WDR33: variants seen among roughly 807,000 people sequenced by gnomAD.
WDR33 encodes WD repeat domain 33, also known as pre-mRNA 3' end processing protein WDR33.
A neutral mutation model predicts 164.9 loss-of-function variants in WDR33; 47 were observed. The observed-to-expected ratio is 0.29, with a 90% CI of 0.23 to 0.36. The LOEUF is 0.36. Among genes scored for constraint, WDR33 ranks in the 10% least tolerant of loss-of-function variants. The probability of loss-of-function intolerance (pLI) is 1.00; values close to 1 mark genes in which losing one functional copy is unlikely to be tolerated. For synonymous variants in WDR33, 505 were observed against 589.0 expected (o/e 0.86, Z 2.06); for missense variants, 1,137 against 1,754.1 (o/e 0.65, Z 6.28).
Position 127,722,460 on chromosome 2 carries a change from TAAGAGTA to T in WDR33, c.1518+124_1518+130del. Reference sequence around the variant, plus strand: ...CAAAGCAGTAGATGAGAACCATGTCTAAGAGTACGTGAACATGGGAAAAATGCTCCAG... The same window carrying T: ...CAAAGCAGTAGATGAGAACCATGTCTCGTGAACATGGGAAAAATGCTCCAG... On this transcript the variant is annotated intron_variant, in intron 14 of 21. Coordinates refer to ENST00000322313, the MANE Select transcript of WDR33 (RefSeq NM_018383.5). This position sits in a 1 kb window ranked among gnomAD's most constrained non-coding sequence, Gnocchi z 5.1. The T allele has an allele frequency of 7.9e-7, 1 of 1,270,088 alleles. No individual in the cohort carries two copies. The highest frequency in any genetic ancestry group is 1.5e-5 in the South Asian group (1 of 65,528). 78.7% of individuals were successfully genotyped at this position (1,270,088 alleles called of 1,614,324 possible). A position where few individuals can be genotyped will look rare whatever the true frequency, so the allele number is the denominator to read the frequency against.
rs1296151599 is a variant in WDR33 at position 127,718,615 on chromosome 2, A to G, written c.2760+650T>C. On this transcript the variant is annotated intron_variant, in intron 16 of 21. Coordinates refer to ENST00000322313, the MANE Select transcript of WDR33 (RefSeq NM_018383.5). The surrounding 1 kb of genome is among the most constrained non-coding windows in gnomAD (Gnocchi z 4.4). ...TCAAAGAAGGAGAATTTCTACAGAA[A>G]TGCTCCCCCCTGCAAATACTTTTAT... Among the ~76,000 whole-genome samples the G allele has an allele frequency of 6.6e-6, 1 of 152,154 alleles. No homozygotes were observed. Among genetic ancestry groups the G allele is most frequent in the African/African-American group, 2.4e-5 (1 of 41,422 alleles).
chr2:127,723,389 ATT>A lies in WDR33; in HGVS notation c.1197-44_1197-43del. The stretch of plus-strand genomic sequence containing the variant: ...AGGAGAAAAGAAGCATGGCTTCACT[ATT>A]TTTTTGGGCACTAAACAGTACTAGG... On this transcript the variant is annotated intron_variant, in intron 11 of 21. Transcript: ENST00000322313. The surrounding 1 kb of genome is among the most constrained non-coding windows in gnomAD (Gnocchi z 5.9). 1 of 1,568,824 alleles carries A rather than the reference ATT, an allele frequency of 6.4e-7. No individual in the cohort carries two copies.
rs1457353368 is a variant in WDR33, at chr2:127,708,074, A to C, written c.3781+603T>G. ...GCCTTCCCAGAAGCTTCCGAGCCACACCACCTATGCACCTCCCCCGCTGCC... is the reference window on the plus strand; with the variant it reads ...GCCTTCCCAGAAGCTTCCGAGCCACCCCACCTATGCACCTCCCCCGCTGCC... On this transcript the variant is annotated intron_variant, in intron 21 of 21. Coordinates refer to ENST00000322313, the MANE Select transcript of WDR33 (RefSeq NM_018383.5). This position sits in a 1 kb window ranked among gnomAD's most constrained non-coding sequence, Gnocchi z 6.7. Among the ~76,000 whole-genome samples the C allele has an allele frequency of 6.6e-6, 1 of 152,162 alleles. No homozygotes were observed. Among genetic ancestry groups the C allele is most frequent in the East Asian group, 1.9e-4 (1 of 5,196 alleles).
Position 127,701,842 on chromosome 2 carries a change from C to T in WDR33, c.*4481G>A, listed in dbSNP as rs1451349395. 1 of 1,458,686 alleles carries T rather than the reference C, an allele frequency of 6.9e-7. No homozygotes were observed. Among genetic ancestry groups the T allele is most frequent in the Non-Finnish European group, 9.0e-7 (1 of 1,109,844 alleles). 90.4% of individuals were successfully genotyped at this position (1,458,686 alleles called of 1,614,324 possible). ...TACGCACCGGTGTTGCTGCTGCGCG[C>T]GCGCAAGTTCGCGCTGCTCTGGTCA... On this transcript the variant is annotated 3_prime_UTR_variant, in exon 22 of 22. Transcript: ENST00000322313.
At chr2:127,785,047 T>C (rs967813662) in intron 1 of WDR33, among the ~76,000 whole-genome samples, 3 of 152,188 alleles carry the variant, frequency 2.0e-5, no homozygotes, top group Non-Finnish European at 4.4e-5. Flanking sequence ...TGGCAACAAA[T>C]ACTGTTTTCC....
chr2:127,732,108 A>AACACAC lies in WDR33; in HGVS notation c.725-5337_725-5332dup, dbSNP rs71394692. ...CAAAAATAAAACAAACAACATATAC[A>AACACAC]ACACACACACACACACACACACACA... is the stretch of plus-strand genomic sequence containing the variant. On this transcript the variant is annotated intron_variant, in intron 7 of 21. Coordinates refer to ENST00000322313, the MANE Select transcript of WDR33 (RefSeq NM_018383.5). 3.1e-3 allele frequency among the ~76,000 whole-genome samples: 429 copies of AACACAC among 138,198 alleles called. 2 individuals carry two copies. The highest frequency in any genetic ancestry group is 5.0e-3 in the African/African-American group (187 of 37,054). 90.7% of individuals were successfully genotyped at this position (138,198 alleles called of 152,430 possible). A position where few individuals can be genotyped will look rare whatever the true frequency, so the allele number is the denominator to read the frequency against.
In WDR33 at chr2:127,716,179, T is replaced by C. The variant is rs1361886158; in HGVS notation, c.2869+976A>G. 6.6e-6 allele frequency among the ~76,000 whole-genome samples: 1 copy of C among 152,202 alleles called. No individual in the cohort carries two copies. The highest frequency in any genetic ancestry group is 2.4e-5 in the African/African-American group (1 of 41,434). The stretch of plus-strand genomic sequence containing the variant: ...AAACACTCTCTAGTTCCCTTATCTC[T>C]TTCTTACCTCTAATATCACACATAA... On this transcript the variant is annotated intron_variant, in intron 17 of 21. Transcript: ENST00000322313. The surrounding 1 kb of genome is among the most constrained non-coding windows in gnomAD (Gnocchi z 4.5).
chr2:127,780,984 C>T (rs1453086761), intron 1 of WDR33, among the ~76,000 whole-genome samples: 3 of 152,288 alleles, frequency 2.0e-5, no homozygotes, highest in East Asian at 1.9e-4. Flanking sequence ...CCTCAGCCTC[C>T]CAAGTAGCTG....
rs1686573032 is a variant in WDR33, at chr2:127,726,348, A to G, written c.851+303T>C. On this transcript the variant is annotated intron_variant, in intron 8 of 21. Transcript: ENST00000322313. This position sits in a 1 kb window ranked among gnomAD's most constrained non-coding sequence, Gnocchi z 4.8. ...CACGTCAACTCCTCACAGTGCCACA[A>G]GGTATTCTGATGACAGGCAATAGGC... Among the ~76,000 whole-genome samples the G allele has an allele frequency of 6.6e-6, 1 of 152,208 alleles. No homozygotes were observed. Among genetic ancestry groups the G allele is most frequent in the African/African-American group, 2.4e-5 (1 of 41,462 alleles).
Position 127,732,397 on chromosome 2 carries a change from T to C in WDR33, c.725-5620A>G, listed in dbSNP as rs758802398. 5.9e-4 allele frequency among the ~76,000 whole-genome samples: 89 copies of C among 151,894 alleles called. 2 individuals are homozygous for C. Among genetic ancestry groups the C allele is most frequent in the Non-Finnish European group, 5.9e-5 (4 of 67,900 alleles). On this transcript the variant is annotated intron_variant, in intron 7 of 21. Coordinates refer to ENST00000322313, the MANE Select transcript of WDR33 (RefSeq NM_018383.5). ...GGAGGCGGAGGCTGCAGTGAACTGA[T>C]TGCAGCCTCTGACTCCTGGGCTCAA... is the stretch of plus-strand genomic sequence containing the variant.
intron 7 of WDR33, among the ~76,000 whole-genome samples, chr2:127,747,489 A>AT (rs1284157606): frequency 2.0e-5 from 3 of 152,164 alleles, no homozygotes; most frequent in African/African-American, 7.2e-5. Flanking sequence ...TTATTTAAAG[A>AT]TTTTGAGGTT....
intron 1 of WDR33, among the ~76,000 whole-genome samples, chr2:127,782,882 GC>G (rs1688423968): frequency 6.6e-6 from 1 of 152,042 alleles, no homozygotes; most frequent in Non-Finnish European, 1.5e-5. Context: ...GGTGGCAGGC[GC>G]CTGTAGTCCC....
At position 127,781,930 on chromosome 2, in the gene WDR33, G is replaced by GGAGGTTGCGGTGAGCC. The variant is rs1446063591; in HGVS notation, c.-23-10942_-23-10927dup. Among the ~76,000 whole-genome samples, 3 of 150,138 alleles carry GGAGGTTGCGGTGAGCC rather than the reference G, an allele frequency of 2.0e-5. No individual in the cohort carries two copies. The East Asian group carries it at 5.9e-4, about 30-fold the overall frequency. ...GGAGAATTGCCTGAACCCGGGAGGTGGAGGTTGCGGTGAGCCAAGATTGCG... is the reference window on the plus strand; with the variant it reads ...GGAGAATTGCCTGAACCCGGGAGGTGGAGGTTGCGGTGAGCCGAGGTTGCGGTGAGCCAAGATTGCG... On this transcript the variant is annotated intron_variant, in intron 1 of 21. Coordinates refer to ENST00000322313, the MANE Select transcript of WDR33 (RefSeq NM_018383.5).
chr2:127,803,730 G>T (rs1689333223), intron 1 of WDR33, among the ~76,000 whole-genome samples: 1 of 152,008 alleles, frequency 6.6e-6, no homozygotes, highest in Non-Finnish European at 1.5e-5. Flanking sequence ...GGACTCCTTG[G>T]AGAAATGGGA....
intron 1 of WDR33, among the ~76,000 whole-genome samples, chr2:127,801,535 AAC>A (rs1469452304): frequency 1.3e-5 from 2 of 151,336 alleles, no homozygotes; most frequent in Non-Finnish European, 2.9e-5. Context: ...AAAAAAAAAA[AAC>A]AGTACAATCA....
chr2:127,788,156 G>C (rs1318397106), intron 1 of WDR33, among the ~76,000 whole-genome samples: 1 of 86,326 alleles, frequency 1.2e-5, no homozygotes, highest in Non-Finnish European at 2.3e-5. Context: ...GGGCAGAGGC[G>C]CCCCTCACCT....
intron 1 of WDR33, among the ~76,000 whole-genome samples, chr2:127,794,895 T>C (rs904740569): frequency 4.7e-5 from 7 of 150,376 alleles, no homozygotes; most frequent in Non-Finnish European, 7.4e-5. Flanking sequence ...GTGGTGAATA[T>C]GCACCTGTAA....
rs377224164 is a variant in WDR33 at position 127,701,438 on chromosome 2, GCCGA to G, written c.*4881_*4884del. 1,555 of 1,193,430 alleles carry G rather than the reference GCCGA, an allele frequency of 1.3e-3. 16 individuals carry two copies. The African/African-American group carries it at 0.023, about 17-fold the overall frequency. The allele number at this position is 1,193,430 out of a possible 1,614,324, so 73.9% of individuals were successfully genotyped here. A position where few individuals can be genotyped will look rare whatever the true frequency, so the allele number is the denominator to read the frequency against. ...CGCAGGCCCTGCCCCTTTCGCCGTC[GCCGA>G]CCAATTGCCGCCCGAAGACCGAACC... is the stretch of plus-strand genomic sequence containing the variant. On this transcript the variant is annotated 3_prime_UTR_variant, in exon 22 of 22. Coordinates refer to ENST00000322313, the MANE Select transcript of WDR33 (RefSeq NM_018383.5).
At chr2:127,778,025 G>A (rs1379058937) in intron 1 of WDR33, among the ~76,000 whole-genome samples, 1 of 152,198 alleles carries the variant, frequency 6.6e-6, no homozygotes, top group Non-Finnish European at 1.5e-5. Context: ...CGGGTGTGGT[G>A]GCTCATGCTT....
Sources: allele counts gnomAD v4.1 joint callset (sites outside exome capture counted in the v4.1 genomes callset), GRCh38; gene constraint gnomAD v4.1.1; non-coding constraint Gnocchi (gnomAD v3.1); transcripts MANE v1.5; gene names NCBI Gene and HGNC (gene_info 2026-07-23, HGNC 2026-07-21).